Variants in KLHL3 observed in about 807,000 individuals in gnomAD.
The protein encoded by KLHL3 is kelch like family member 3.
KLHL3 carries 19 observed loss-of-function variants against 70.5 expected under a neutral mutation model. The observed-to-expected ratio is 0.27, with a 90% CI of 0.19 to 0.40. The LOEUF (loss-of-function observed/expected upper bound fraction) is 0.40, where lower values mean the gene tolerates loss of function less well. Ranked by LOEUF, KLHL3 falls within the 10% of genes least tolerant of loss-of-function variation. The probability of loss-of-function intolerance (pLI) is 1.00; values close to 1 mark genes in which losing one functional copy is unlikely to be tolerated. For missense variants in KLHL3, 512 were observed against 771.1 expected (o/e 0.66, Z 3.98); for synonymous variants, 258 against 290.3 (o/e 0.89, Z 1.13).
intron 12 of KLHL3, among the ~76,000 whole-genome samples, chr5:137,630,730 T>C (rs779844954): frequency 5.8e-4 from 88 of 152,054 alleles, no homozygotes; most frequent in Non-Finnish European, 1.0e-3. Context: ...ATATAAGGAA[T>C]TAGAGGCCAG....
At chr5:137,643,354 CAAAA>C (rs11323248) in intron 8 of KLHL3, among the ~76,000 whole-genome samples, 13 of 122,602 alleles carry the variant, frequency 1.1e-4, no homozygotes, top group Non-Finnish European at 1.0e-4. Context: ...GACCCTGTCT[CAAAA>C]AAAAAAAAAA....
intron 11 of KLHL3, among the ~76,000 whole-genome samples, chr5:137,636,042 GT>G (rs1422816407): frequency 2.0e-5 from 3 of 152,074 alleles, no homozygotes; most frequent in Non-Finnish European, 4.4e-5. Context: ...AAATGAGAAG[GT>G]GGCTAGACAA....
At chr5:137,651,349 G>C (rs998854101) in intron 8 of KLHL3, among the ~76,000 whole-genome samples, 1 of 152,124 alleles carries the variant, frequency 6.6e-6, no homozygotes, top group African/African-American at 2.4e-5. Context: ...TGTTCAAAAA[G>C]CAATGAAGCC....
At chr5:137,667,725 AG>A (rs1380749597) in intron 6 of KLHL3, among the ~76,000 whole-genome samples, 2 of 152,232 alleles carry the variant, frequency 1.3e-5, no homozygotes, top group Non-Finnish European at 2.9e-5. Context: ...TGACTTGGCA[AG>A]GGGAGAAGTT....
intron 8 of KLHL3, among the ~76,000 whole-genome samples, chr5:137,640,482 T>G (rs6862903): frequency 0.35 from 53,770 of 152,088 alleles, 10,219 homozygotes; most frequent in East Asian, 0.53. Context: ...GTTATTAAAC[T>G]GATGATGTTC....
At chr5:137,683,995 C>T (rs989785542) in intron 5 of KLHL3, among the ~76,000 whole-genome samples, 1 of 152,134 alleles carries the variant, frequency 6.6e-6, no homozygotes, top group Non-Finnish European at 1.5e-5. Context: ...TGCAGAAAAT[C>T]CAAGAGAGGC....
intron 12 of KLHL3, chr5:137,628,732 GACATACATACATACATACAT>G (rs71583283): frequency 1.5e-5 from 2 of 136,938 alleles, no homozygotes; most frequent in African/African-American, 6.4e-5. Context: ...CAGACAGACA[GACATACATACATACATACAT>G]ACATACATAC....
At chr5:137,683,341 T>G (rs901909895) in intron 5 of KLHL3, among the ~76,000 whole-genome samples, 1 of 152,134 alleles carries the variant, frequency 6.6e-6, no homozygotes, top group African/African-American at 2.4e-5. Flanking sequence ...GCCTCTGAAC[T>G]GAACCACAGG....
At chr5:137,730,325 G>A (rs1753153939) in intron 1 of KLHL3, among the ~76,000 whole-genome samples, 1 of 152,210 alleles carries the variant, frequency 6.6e-6, no homozygotes, top group Non-Finnish European at 1.5e-5. Context: ...TCTTCCTTGT[G>A]CAACCAAACC....
chr5:137,703,424 A>T (rs1486511694), intron 3 of KLHL3, among the ~76,000 whole-genome samples: 1 of 152,098 alleles, frequency 6.6e-6, no homozygotes, highest in Non-Finnish European at 1.5e-5. Flanking sequence ...AAAGACATTA[A>T]CCTCACAGGA....
chr5:137,622,237 G>C, intron 14 of KLHL3, 111 bp from the exon 15 acceptor site: 1 of 1,291,586 alleles, frequency 7.7e-7, no homozygotes, highest in Non-Finnish European at 1.1e-6. Context: ...GGAAATGTGT[G>C]CAATTTTTAT....
chr5:137,688,969 T>G (rs560728299), intron 5 of KLHL3, among the ~76,000 whole-genome samples: 3 of 152,320 alleles, frequency 2.0e-5, no homozygotes, highest in East Asian at 3.9e-4. Context: ...CAGCTGCATC[T>G]GCTGCACTCT....
At chr5:137,660,040 T>C (rs905506975) in intron 7 of KLHL3, among the ~76,000 whole-genome samples, 3 of 152,110 alleles carry the variant, frequency 2.0e-5, no homozygotes, top group Non-Finnish European at 2.9e-5. Flanking sequence ...CCAGCAATTA[T>C]ACTCATTTGA....
intron 5 of KLHL3, among the ~76,000 whole-genome samples, chr5:137,686,706 G>C (rs562325219): frequency 2.0e-5 from 3 of 152,328 alleles, no homozygotes; most frequent in Admixed American, 2.0e-4. Context: ...TCCATCTAAA[G>C]TCAGGGGTAC....
chr5:137,658,344 C>CCCGGG (rs1356184971), intron 7 of KLHL3, 64 bp from the exon 8 acceptor site: 10 of 1,526,942 alleles, frequency 6.5e-6, no homozygotes, highest in Non-Finnish European at 8.2e-6. Flanking sequence ...AAGCTTTCAC[C>CCCGGG]CTGGGCTCAG....
At position 137,620,428 on chromosome 5, in the gene KLHL3, G is replaced by A. The variant is rs1167621625; in HGVS notation, c.*1670C>T. The A allele has an allele frequency of 6.6e-6, 1 of 152,170 alleles. No homozygotes were observed. Among genetic ancestry groups the A allele is most frequent in the Non-Finnish European group, 1.5e-5 (1 of 68,038 alleles). 9.4% of individuals were successfully genotyped at this position (152,170 alleles called of 1,614,324 possible). ...GGGATGCCAATCTCCTGCAGCACCT[G>A]CTTGGAAGTAGCCCAGTCGTATCAG... On this transcript the variant is annotated 3_prime_UTR_variant, in exon 15 of 15. Transcript: ENST00000309755.
chr5:137,684,982 G>A (rs1752127551), intron 5 of KLHL3, among the ~76,000 whole-genome samples: 1 of 152,172 alleles, frequency 6.6e-6, no homozygotes, highest in African/African-American at 2.4e-5. Context: ...AAGAGACAGG[G>A]CCCTTCCAAA....
chr5:137,631,089 A>AAG lies in KLHL3; in HGVS notation c.1451-2654_1451-2653dup, dbSNP rs1183672299. The stretch of plus-strand genomic sequence containing the variant: ...AAATACAAAAAAAAAAAAAAAAAAA[A>AAG]AGAGAGAGAGAGAGAGAAAGGAATA... On this transcript the variant is annotated intron_variant, in intron 12 of 14. Transcript: ENST00000309755. 3.4e-3 allele frequency among the ~76,000 whole-genome samples: 479 copies of AAG among 141,862 alleles called. 4 individuals are homozygous for AAG. The highest frequency in any genetic ancestry group is 0.012 in the African/African-American group (416 of 35,106). 93.1% of individuals were successfully genotyped at this position (141,862 alleles called of 152,430 possible).
chr5:137,690,188 G>A (rs576196620), intron 5 of KLHL3, among the ~76,000 whole-genome samples: 1 of 152,096 alleles, frequency 6.6e-6, no homozygotes, highest in Admixed American at 6.5e-5. Flanking sequence ...TTAGCCTGGC[G>A]TGGTGGCAGG....
Sources: allele counts gnomAD v4.1 joint callset (sites outside exome capture counted in the v4.1 genomes callset), GRCh38; gene constraint gnomAD v4.1.1; transcripts MANE v1.5; gene names NCBI Gene and HGNC (gene_info 2026-07-23, HGNC 2026-07-21).